Variants in DOCK1 observed in about 807,000 individuals in gnomAD.
DOCK1 encodes dedicator of cytokinesis 1, also known as dedicator of cytokinesis protein 1.
In DOCK1, 138 loss-of-function variants were observed where a neutral mutation model predicts 262.7. That is an observed-to-expected ratio of 0.53 (90% CI 0.46 to 0.61). The LOEUF is 0.61. DOCK1 is among the 20% of genes least tolerant of loss of function. The pLI, the probability that DOCK1 is intolerant of heterozygous loss-of-function variation, is 0.00. For synonymous variants in DOCK1, 866 were observed against 867.4 expected, an observed-to-expected ratio of 1.00 and a Z score of 0.03; for missense variants, 1,908 against 2,370.7, an observed-to-expected ratio of 0.80 and a Z score of 4.05.
At chr10:127,410,772 C>T in intron 42 of DOCK1, 68 bp from the exon 43 acceptor site, 18 of 1,456,392 alleles carry the variant, frequency 1.2e-5, no homozygotes, top group Non-Finnish European at 1.7e-5. Context: ...AAGGCCAGAC[C>T]CCGTGTCCAA....
At position 126,962,952 on chromosome 10, in the gene DOCK1, A is replaced by T. The variant is rs1053483658; in HGVS notation, c.47-7750A>T. On this transcript the variant is annotated intron_variant, in intron 1 of 51. Coordinates refer to ENST00000623213, the MANE Select transcript of DOCK1 (RefSeq NM_001290223.2). The stretch of plus-strand genomic sequence containing the variant: ...CATTTTTTTTTGCAAGTGGATATCC[A>T]GTTTTCCCAGCACCATTTGTGGAAA... Among the ~76,000 whole-genome samples the T allele has an allele frequency of 2.6e-5, 4 of 152,226 alleles. No homozygotes were observed. In the South Asian group the frequency reaches 8.3e-4, roughly 32 times the overall value.
chr10:127,123,879 A>G (rs911070575), intron 25 of DOCK1, among the ~76,000 whole-genome samples: 1 of 152,222 alleles, frequency 6.6e-6, no homozygotes, highest in South Asian at 2.1e-4. Context: ...TTAGCACGTC[A>G]TACATTTCTT....
intron 35 of DOCK1, among the ~76,000 whole-genome samples, 156 bp from the exon 36 acceptor site, chr10:127,379,926 G>A (rs2065734978): frequency 1.3e-5 from 2 of 152,266 alleles, no homozygotes; most frequent in Admixed American, 6.5e-5. Context: ...GTGTAAGATG[G>A]TTTTGCAATT....
intron 18 of DOCK1, among the ~76,000 whole-genome samples, chr10:127,037,090 G>A (rs1008909154): frequency 6.6e-6 from 1 of 151,008 alleles, no homozygotes; most frequent in African/African-American, 2.4e-5. Context: ...TTCATTCCTT[G>A]CTTTTTCTAT....
intron 49 of DOCK1, among the ~76,000 whole-genome samples, chr10:127,439,941 C>T (rs574201514): frequency 5.9e-5 from 9 of 152,204 alleles, no homozygotes; most frequent in African/African-American, 2.2e-4. Context: ...AGAAGTGCAC[C>T]ACATTGGGAA....
chr10:127,160,567 C>T (rs2053513279), intron 27 of DOCK1, among the ~76,000 whole-genome samples: 1 of 152,178 alleles, frequency 6.6e-6, no homozygotes, highest in African/African-American at 2.4e-5. Flanking sequence ...TCTAGCATGT[C>T]AGGGAGCAGC....
rs200011342 is a variant in DOCK1 at position 127,262,173 on chromosome 10, GGT to G, written c.3044+4759_3044+4760del. 4.0e-3 allele frequency among the ~76,000 whole-genome samples: 288 copies of G among 72,484 alleles called. 3 individuals carry two copies. Among genetic ancestry groups the G allele is most frequent in the South Asian group, 7.3e-3 (16 of 2,182 alleles). 47.6% of individuals were successfully genotyped at this position (72,484 alleles called of 152,430 possible). On this transcript the variant is annotated intron_variant, in intron 29 of 51. Coordinates refer to ENST00000623213, the MANE Select transcript of DOCK1 (RefSeq NM_001290223.2). ...GTGTACCTGTATGTGTGTGCATGTG[GGT>G]GTGTGTGTGTGTGTACCCGTGCTCA... is the stretch of plus-strand genomic sequence containing the variant.
intron 1 of DOCK1, among the ~76,000 whole-genome samples, chr10:126,938,048 CT>C (rs36168243): frequency 0.25 from 35,942 of 143,008 alleles, 4,559 homozygotes; most frequent in African/African-American, 0.31. Flanking sequence ...CCAGCTTCAT[CT>C]TTTTTTTTTT....
intron 22 of DOCK1, among the ~76,000 whole-genome samples, chr10:127,057,947 T>G (rs954415444): frequency 6.6e-6 from 1 of 152,228 alleles, no homozygotes; most frequent in Admixed American, 6.5e-5. Context: ...GCAGGTCTTA[T>G]TCATCTGTTT....
chr10:126,987,591 TCCAC>T lies in DOCK1; in HGVS notation c.300_303del (p.Thr101SerfsTer20). 23 of 1,569,868 alleles carry T rather than the reference TCCAC, an allele frequency of 1.5e-5. No homozygotes were observed. The highest frequency in any genetic ancestry group is 2.0e-5 in the Non-Finnish European group (23 of 1,157,022). Reference sequence around the variant, plus strand: ...AGTCACCACGACACTCCGAGAGTGGTCCACCATCTGGAGGCAGCTCTACGTGGTG... The same window carrying T: ...AGTCACCACGACACTCCGAGAGTGGTCATCTGGAGGCAGCTCTACGTGGTG... On this transcript the variant is annotated frameshift_variant, in exon 5 of 52. Coordinates refer to ENST00000623213, the MANE Select transcript of DOCK1 (RefSeq NM_001290223.2). LOFTEE classifies it high-confidence loss of function.
intron 25 of DOCK1, among the ~76,000 whole-genome samples, chr10:127,114,662 C>A (rs1272654256): frequency 6.6e-6 from 1 of 151,746 alleles, no homozygotes; most frequent in Admixed American, 6.6e-5. Flanking sequence ...TGGAAAATTT[C>A]AAATATACAG....
At chr10:127,204,131 T>C (rs1015741354) in intron 27 of DOCK1, among the ~76,000 whole-genome samples, 1 of 152,122 alleles carries the variant, frequency 6.6e-6, no homozygotes, top group Admixed American at 6.5e-5. Flanking sequence ...CTCCTAGGCC[T>C]TCCTAGATTG....
chr10:127,025,676 C>T (rs971532485), intron 15 of DOCK1, among the ~76,000 whole-genome samples: 3 of 151,984 alleles, frequency 2.0e-5, no homozygotes, highest in African/African-American at 7.2e-5. Flanking sequence ...TCTCGAACTC[C>T]TGACCTCAAG....
chr10:127,430,247 C>G (rs2134615382), intron 47 of DOCK1, among the ~76,000 whole-genome samples: 1 of 152,344 alleles, frequency 6.6e-6, no homozygotes, highest in African/African-American at 2.4e-5. Context: ...TTTCTCCTCT[C>G]TCGCCCTCCC....
At position 126,997,826 on chromosome 10, in the gene DOCK1, T is replaced by C. The variant is rs767939722; in HGVS notation, c.610-266T>C. ...TTAAATAACTACACATATATAATCA[T>C]TATTTTGATTTATTGGATGGACACC... On this transcript the variant is annotated intron_variant, in intron 7 of 51. Coordinates refer to ENST00000623213, the MANE Select transcript of DOCK1 (RefSeq NM_001290223.2). 248 of 433,262 alleles carry C rather than the reference T, an allele frequency of 5.7e-4. 2 individuals carry two copies. Among genetic ancestry groups the C allele is most frequent in the Middle Eastern group, 2.7e-3 (4 of 1,480 alleles). The allele number at this position is 433,262 out of a possible 1,614,324, so 26.8% of individuals were successfully genotyped here.
intron 23 of DOCK1, among the ~76,000 whole-genome samples, chr10:127,088,971 A>G (rs1159153610): frequency 6.6e-6 from 1 of 151,800 alleles, no homozygotes; most frequent in Admixed American, 6.6e-5. Context: ...GGGGTCTGGA[A>G]CCCTCTCTCC....
chr10:127,111,187 G>A (rs2048842686), intron 25 of DOCK1, among the ~76,000 whole-genome samples: 1 of 152,170 alleles, frequency 6.6e-6, no homozygotes, highest in Admixed American at 6.5e-5. Flanking sequence ...CACACTCTGT[G>A]CTTGGCTTGG....
At chr10:127,336,749 C>A (rs971251992) in intron 29 of DOCK1, among the ~76,000 whole-genome samples, 22 of 152,228 alleles carry the variant, frequency 1.4e-4, no homozygotes, top group Non-Finnish European at 3.1e-4. Flanking sequence ...CTGTGTTAGC[C>A]AGGATGGTCT....
At chr10:127,401,879 C>T (rs1300928738) in intron 38 of DOCK1, among the ~76,000 whole-genome samples, 1 of 152,164 alleles carries the variant, frequency 6.6e-6, no homozygotes, top group Admixed American at 6.5e-5. Context: ...ACTGCAATGC[C>T]TTGATCTTTT....
Sources: gnomAD v4.1 joint callset for allele counts (sites outside exome capture counted in the v4.1 genomes callset) on GRCh38, gnomAD v4.1.1 for gene constraint, MANE v1.5 for transcripts, NCBI Gene and HGNC (gene_info 2026-07-23, HGNC 2026-07-21) for gene names.